Variants in SNX6 observed in about 807,000 individuals in gnomAD.
SNX6 encodes the protein sorting nexin 6.
In SNX6, 34 loss-of-function variants were observed where a neutral mutation model predicts 63.0. That is an observed-to-expected ratio of 0.54 (90% confidence interval 0.41 to 0.72). The LOEUF (loss-of-function observed/expected upper bound fraction) is 0.72. SNX6 is among the 30% of genes least tolerant of loss of function. The probability of loss-of-function intolerance (pLI) is 0.00; values close to 1 mark genes in which losing one functional copy is unlikely to be tolerated. For missense variants in SNX6, 398 were observed against 471.4 expected (o/e 0.84, Z 1.44); for synonymous variants, 170 against 164.2 (o/e 1.04, Z -0.27).
intron 2 of SNX6, among the ~76,000 whole-genome samples, chr14:34,623,050 A>G (rs545608378): frequency 3.9e-5 from 6 of 152,324 alleles, no homozygotes; most frequent in Non-Finnish European, 7.3e-5. Context: ...GCAAGGGATT[A>G]TAACTCTATC....
At chr14:34,601,928 CAATT>C (rs1427782168) in intron 6 of SNX6, among the ~76,000 whole-genome samples, 2 of 151,948 alleles carry the variant, frequency 1.3e-5, no homozygotes, top group East Asian at 1.9e-4. Flanking sequence ...ATCATTCTGT[CAATT>C]AATCTACTCA....
intron 2 of SNX6, among the ~76,000 whole-genome samples, chr14:34,618,632 G>A (rs935120387): frequency 2.6e-5 from 4 of 152,250 alleles, no homozygotes; most frequent in Middle Eastern, 3.4e-3. Flanking sequence ...TTACAGGCAT[G>A]AGCCACTGCA....
At position 34,566,459 on chromosome 14, in the gene SNX6, C is replaced by T. The variant is rs115388940; in HGVS notation, c.1167+1227G>A. Among the ~76,000 whole-genome samples, 471 of 152,260 alleles carry T rather than the reference C, an allele frequency of 3.1e-3. 2 individuals are homozygous for T. The highest frequency in any genetic ancestry group is 0.011 in the African/African-American group (451 of 41,568). On this transcript the variant is annotated intron_variant, in intron 13 of 13. Coordinates refer to ENST00000362031, the MANE Select transcript of SNX6 (RefSeq NM_152233.4). ...AACACCTGACCTCAGATAATCCACC[C>T]GGTCTTGGCCTCCCAAAGTGTTGGG...
chr14:34,604,938 C>T (rs1037499872), intron 5 of SNX6, among the ~76,000 whole-genome samples: 1 of 152,048 alleles, frequency 6.6e-6, no homozygotes, highest in Non-Finnish European at 1.5e-5. Context: ...ATTTCCCTTT[C>T]TTCTTTTCTC....
intron 2 of SNX6, among the ~76,000 whole-genome samples, chr14:34,622,444 G>A (rs994871306): frequency 7.3e-5 from 11 of 151,678 alleles, no homozygotes; most frequent in Middle Eastern, 3.4e-3. Context: ...TTAGCTGGGC[G>A]TGGTGGCGGG....
chr14:34,597,547 T>C lies in SNX6; in HGVS notation c.612+3A>G. 6.5e-7 allele frequency: 1 copy of C among 1,535,890 alleles called. No homozygotes were observed. Among genetic ancestry groups the C allele is most frequent in the Non-Finnish European group, 9.0e-7 (1 of 1,116,432 alleles). The stretch of plus-strand genomic sequence containing the variant: ...TACCACAGTTAATCAAATAAAATCT[T>C]ACCTTTACTCCTGAAACGATTACTC... On this transcript the variant is annotated splice_donor_region_variant and intron_variant, in intron 7 of 13. Transcript: ENST00000362031.
At chr14:34,575,584 T>G (rs1276991733) in intron 11 of SNX6, 172 bp downstream of exon 11, 1 of 299,764 alleles carries the variant, frequency 3.3e-6, no homozygotes, top group Admixed American at 5.1e-5. Flanking sequence ...ACATGAAATA[T>G]GTACAATTAT....
At chr14:34,574,085 C>T (rs1368280524) in intron 11 of SNX6, among the ~76,000 whole-genome samples, 1 of 151,706 alleles carries the variant, frequency 6.6e-6, no homozygotes, top group Non-Finnish European at 1.5e-5. Flanking sequence ...TGCCTGTAAT[C>T]CCAGCACTTT....
At chr14:34,625,799 G>C (rs1883805297) in intron 2 of SNX6, among the ~76,000 whole-genome samples, 1 of 152,178 alleles carries the variant, frequency 6.6e-6, no homozygotes, top group African/African-American at 2.4e-5. Context: ...AGAGATCAAA[G>C]TGTGACCAAC....
chr14:34,569,433 T>G (rs1032845152), intron 11 of SNX6, among the ~76,000 whole-genome samples: 1 of 151,998 alleles, frequency 6.6e-6, no homozygotes, highest in African/African-American at 2.4e-5. Context: ...TTTTTTTTTT[T>G]GTTTTTTGTT....
intron 6 of SNX6, among the ~76,000 whole-genome samples, chr14:34,599,749 G>A (rs1335646435): frequency 1.4e-5 from 2 of 147,714 alleles, no homozygotes; most frequent in South Asian, 2.2e-4. Context: ...ACTCCAGCCC[G>A]GGCAACAGAG....
chr14:34,563,922 A>T (rs936929505), intron 13 of SNX6, among the ~76,000 whole-genome samples: 7 of 152,134 alleles, frequency 4.6e-5, no homozygotes, highest in Non-Finnish European at 8.8e-5. Flanking sequence ...TATTTTTAGT[A>T]GAGACGGGGT....
intron 11 of SNX6, among the ~76,000 whole-genome samples, chr14:34,569,521 G>A (rs771374272): frequency 2.6e-5 from 4 of 151,860 alleles, no homozygotes; most frequent in Admixed American, 6.6e-5. Context: ...TCCACCTCCC[G>A]GTTCAAGTGA....
At chr14:34,596,619 A>AG in intron 7 of SNX6, among the ~76,000 whole-genome samples, 1 of 118,468 alleles carries the variant, frequency 8.4e-6, no homozygotes, top group Admixed American at 1.0e-4. Flanking sequence ...ACTCTATCTC[A>AG]GGAAAAAAAA....
intron 2 of SNX6, among the ~76,000 whole-genome samples, chr14:34,610,072 G>C (rs896479744): frequency 1.3e-5 from 2 of 151,826 alleles, no homozygotes; most frequent in African/African-American, 4.8e-5. Context: ...AGCCAGATGT[G>C]ATGGCTCATG....
In SNX6 at chr14:34,609,748, A is replaced by T. The variant is rs774253757; in HGVS notation, c.55-6T>A. The T allele has an allele frequency of 2.5e-6, 4 of 1,571,402 alleles. No individual in the cohort carries two copies. The highest frequency in any genetic ancestry group is 3.5e-6 in the Non-Finnish European group (4 of 1,146,900). On this transcript the variant is annotated splice_region_variant and splice_polypyrimidine_tract_variant and intron_variant, in intron 2 of 13. Transcript: ENST00000362031. ...TCTACATTTATTGCTTTAAGCTAGAAAAAGAAAACCAGTATCTTCATGAAA... is the reference window on the plus strand; with the variant it reads ...TCTACATTTATTGCTTTAAGCTAGATAAAGAAAACCAGTATCTTCATGAAA...
chr14:34,573,277 CA>C (rs1292888436), intron 11 of SNX6, among the ~76,000 whole-genome samples: 2 of 152,008 alleles, frequency 1.3e-5, no homozygotes, highest in African/African-American at 2.4e-5. Context: ...AGTACCCAGC[CA>C]AAAAAACTTT....
intron 2 of SNX6, among the ~76,000 whole-genome samples, chr14:34,628,105 G>A (rs1047823750): frequency 6.6e-6 from 1 of 152,142 alleles, no homozygotes; most frequent in Non-Finnish European, 1.5e-5. Flanking sequence ...AATCGCAGGA[G>A]GATCACTTAG....
intron 2 of SNX6, among the ~76,000 whole-genome samples, chr14:34,628,348 A>G (rs1422341297): frequency 2.6e-5 from 4 of 152,140 alleles, no homozygotes. Flanking sequence ...AGTCCCAGCT[A>G]CTCGGGAGGC....
Sources: allele counts gnomAD v4.1 joint callset (sites outside exome capture counted in the v4.1 genomes callset), GRCh38; gene constraint gnomAD v4.1.1; transcripts MANE v1.5; gene names NCBI Gene and HGNC (gene_info 2026-07-23, HGNC 2026-07-21).